SKI: variants seen among roughly 807,000 people sequenced by gnomAD.
SKI encodes the protein ski oncogene.
In SKI, 23 loss-of-function variants were observed where a neutral mutation model predicts 59.3. That is an observed-to-expected ratio of 0.39 (90% CI 0.28 to 0.55). The LOEUF (loss-of-function observed/expected upper bound fraction) is 0.55, where lower values mean the gene tolerates loss of function less well. SKI is among the 20% of genes least tolerant of loss of function. The probability of loss-of-function intolerance (pLI) is 0.67; values close to 1 mark genes in which losing one functional copy is unlikely to be tolerated. For synonymous variants in SKI, 673 were observed against 488.6 expected (o/e 1.38, Z -4.98); for missense variants, 1,017 against 1,038.9 (o/e 0.98, Z 0.29).
chr1:2,255,823 C>T (rs1263325849), intron 1 of SKI, among the ~76,000 whole-genome samples: 1 of 151,666 alleles, frequency 6.6e-6, no homozygotes, highest in Non-Finnish European at 1.5e-5. Context: ...CACCCTTTGT[C>T]CTGACCTCAT....
chr1:2,296,424 C>G (rs910451707), intron 1 of SKI, among the ~76,000 whole-genome samples: 2 of 152,016 alleles, frequency 1.3e-5, no homozygotes, highest in Non-Finnish European at 2.9e-5. Flanking sequence ...TTCTAGCCAT[C>G]GTTGTGGGCG....
In SKI at chr1:2,295,643, C is replaced by T. The variant is rs145259341; in HGVS notation, c.970-7335C>T. Among the ~76,000 whole-genome samples, 484 of 150,874 alleles carry T rather than the reference C, an allele frequency of 3.2e-3. 2 individuals are homozygous for T. Among genetic ancestry groups the T allele is most frequent in the Non-Finnish European group, 5.4e-3 (367 of 67,702 alleles). ...TGACTGTGTGTGTGTCTGGGCCACGCGTGGCTGTGTGTATGAGAGCCATGC... is the reference window on the plus strand; with the variant it reads ...TGACTGTGTGTGTGTCTGGGCCACGTGTGGCTGTGTGTATGAGAGCCATGC... On this transcript the variant is annotated intron_variant, in intron 1 of 6. Coordinates refer to ENST00000378536, the MANE Select transcript of SKI (RefSeq NM_003036.4).
Position 2,255,405 on chromosome 1 carries a change from A to G in SKI, c.969+25670A>G, listed in dbSNP as rs1237399820. Among the ~76,000 whole-genome samples the G allele has an allele frequency of 2.0e-5, 3 of 152,150 alleles. No homozygotes were observed. In the East Asian group the frequency reaches 5.8e-4, roughly 29 times the overall value. On this transcript the variant is annotated intron_variant, in intron 1 of 6. Transcript: ENST00000378536. ...GTGGTGTCTTCTGACCCCATTTCTT[A>G]TCTGGAACACTGTGTCCTGACTTCA...
intron 1 of SKI, among the ~76,000 whole-genome samples, chr1:2,302,061 G>A (rs1640438443): frequency 1.3e-5 from 2 of 152,260 alleles, no homozygotes; most frequent in Admixed American, 1.3e-4. Flanking sequence ...GCAGGGCTGT[G>A]GGAGTTCACG....
At chr1:2,304,237 G>C (rs1021389364) in intron 4 of SKI, 56 bp from the exon 5 acceptor site, 3 of 1,552,884 alleles carry the variant, frequency 1.9e-6, no homozygotes, top group Non-Finnish European at 2.6e-6. Flanking sequence ...CGTCTCCCTG[G>C]TGTGGAGCTG....
chr1:2,254,733 CGT>C (rs139901487), intron 1 of SKI, among the ~76,000 whole-genome samples: 3 of 150,530 alleles, frequency 2.0e-5, no homozygotes, highest in African/African-American at 2.4e-5. Context: ...TCACTGCGTG[CGT>C]GTGTGTGTGT....
intron 1 of SKI, among the ~76,000 whole-genome samples, chr1:2,291,816 C>T (rs541784727): frequency 4.6e-5 from 7 of 152,312 alleles, no homozygotes; most frequent in African/African-American, 1.4e-4. Flanking sequence ...TCATCAACAG[C>T]GCTAAAGTAA....
At chr1:2,239,758 C>T (rs2100806492) in intron 1 of SKI, among the ~76,000 whole-genome samples, 1 of 152,366 alleles carries the variant, frequency 6.6e-6, no homozygotes, top group Non-Finnish European at 1.5e-5. Context: ...CTTCTCAGAG[C>T]AGCTTTCACG....
chr1:2,252,049 T>G (rs1176308069), intron 1 of SKI, among the ~76,000 whole-genome samples: 1 of 152,142 alleles, frequency 6.6e-6, no homozygotes, highest in Non-Finnish European at 1.5e-5. Flanking sequence ...TCTGCACACC[T>G]GTGGGGAGGC....
rs145391236 is a variant in SKI, at chr1:2,259,820, T to A, written c.969+30085T>A. On this transcript the variant is annotated intron_variant, in intron 1 of 6. Coordinates refer to ENST00000378536, the MANE Select transcript of SKI (RefSeq NM_003036.4). ...ATGTTCTTCTTTTGGTCTGGCTTCC[T>A]TCCCTCAGCGTCATTATTTTGGGCT... Among the ~76,000 whole-genome samples the A allele has an allele frequency of 1.2e-3, 180 of 152,334 alleles. 1 individual carries two copies. Among genetic ancestry groups the A allele is most frequent in the South Asian group, 0.011 (53 of 4,824 alleles).
chr1:2,229,864 T>G lies in SKI; in HGVS notation c.969+129T>G. The G allele has an allele frequency of 6.7e-7, 1 of 1,490,530 alleles. No homozygotes were observed. 92.3% of individuals were successfully genotyped at this position (1,490,530 alleles called of 1,614,324 possible). On this transcript the variant is annotated intron_variant, in intron 1 of 6. Transcript: ENST00000378536. The surrounding 1 kb of genome is among the most constrained non-coding windows in gnomAD (Gnocchi z 6.3). ...CGTGCCCCATGTCTCCAGTCTTCGC[T>G]TTGTTTTAGGGAAATTCAGAGTGTT...
chr1:2,296,775 T>C (rs1452910112), intron 1 of SKI, among the ~76,000 whole-genome samples: 1 of 152,180 alleles, frequency 6.6e-6, no homozygotes, highest in African/African-American at 2.4e-5. Flanking sequence ...TTCCTTGTGC[T>C]TTGGTGTCAT....
Position 2,243,174 on chromosome 1 carries a change from AACTT to A in SKI, c.969+13445_969+13448del, listed in dbSNP as rs529205371. ...GTATCCGTTGGTATTGAGAGTCTGGAACTTACTTAGTGTCTGGGGCATGGGCCGT... is the reference window on the plus strand; with the variant it reads ...GTATCCGTTGGTATTGAGAGTCTGGAACTTAGTGTCTGGGGCATGGGCCGT... On this transcript the variant is annotated intron_variant, in intron 1 of 6. Coordinates refer to ENST00000378536, the MANE Select transcript of SKI (RefSeq NM_003036.4). Among the ~76,000 whole-genome samples, 17 of 152,280 alleles carry A rather than the reference AACTT, an allele frequency of 1.1e-4. No homozygotes were observed. In the South Asian group the frequency reaches 3.5e-3, roughly 32 times the overall value.
rs1447496362 is a variant in SKI, at chr1:2,267,853, T to G, written c.970-35125T>G. Among the ~76,000 whole-genome samples, 7 of 152,198 alleles carry G rather than the reference T, an allele frequency of 4.6e-5. No homozygotes were observed. The highest frequency in any genetic ancestry group is 1.0e-4 in the Non-Finnish European group (7 of 68,028). On this transcript the variant is annotated intron_variant, in intron 1 of 6. Coordinates refer to ENST00000378536, the MANE Select transcript of SKI (RefSeq NM_003036.4). The surrounding 1 kb of genome is among the most constrained non-coding windows in gnomAD (Gnocchi z 4.1). ...CCTTGCATGCCCTGCGAGATGTGTTTGAAAGTCACACTTTGGTTCCAGGTC... is the reference window on the plus strand; with the variant it reads ...CCTTGCATGCCCTGCGAGATGTGTTGGAAAGTCACACTTTGGTTCCAGGTC...
intron 1 of SKI, among the ~76,000 whole-genome samples, chr1:2,288,753 G>A (rs554637634): frequency 6.6e-6 from 1 of 152,330 alleles, no homozygotes; most frequent in African/African-American, 2.4e-5. Context: ...TGGCCTGCTG[G>A]CATTTTTGGG....
Position 2,236,404 on chromosome 1 carries a change from T to G in SKI, c.969+6669T>G, listed in dbSNP as rs548162634. 3.5e-4 allele frequency among the ~76,000 whole-genome samples: 53 copies of G among 152,238 alleles called. No homozygotes were observed. In the South Asian group the frequency reaches 6.8e-3, roughly 20 times the overall value. On this transcript the variant is annotated intron_variant, in intron 1 of 6. Transcript: ENST00000378536. ...AGGAGAATGCTGTTTCTTTTCTCAC[T>G]GTTTCACCATTTTTTTTTTTGAGAT...
At position 2,285,429 on chromosome 1, in the gene SKI, T is replaced by C. The variant is rs978087564; in HGVS notation, c.970-17549T>C. ...ACTAGGGAGGCTGAGGCAGGAGAAT[T>C]GCTTGAACCTGGGAGGCGGAGGTTG... On this transcript the variant is annotated intron_variant, in intron 1 of 6. Coordinates refer to ENST00000378536, the MANE Select transcript of SKI (RefSeq NM_003036.4). Among the ~76,000 whole-genome samples the C allele has an allele frequency of 1.6e-4, 24 of 151,692 alleles. 1 individual carries two copies. The highest frequency in any genetic ancestry group is 1.3e-4 in the Non-Finnish European group (9 of 67,846).
chr1:2,306,845 C>G lies in SKI; in HGVS notation c.*80C>G. The G allele has an allele frequency of 1.0e-6, 1 of 997,058 alleles. No homozygotes were observed. The highest frequency in any genetic ancestry group is 1.3e-6 in the Non-Finnish European group (1 of 759,108). The allele number at this position is 997,058 out of a possible 1,614,324, so 61.8% of individuals were successfully genotyped here. A position where few individuals can be genotyped will look rare whatever the true frequency, so the allele number is the denominator to read the frequency against. ...CTGGGCGGTGCAGCTCCGCCCGGCT[C>G]CGCCCCTGCAGCCCACACAGCACAA... On this transcript the variant is annotated 3_prime_UTR_variant, in exon 7 of 7. Coordinates refer to ENST00000378536, the MANE Select transcript of SKI (RefSeq NM_003036.4).
rs1034542455 is a variant in SKI, at chr1:2,306,690, G to A, written c.2112G>A (p.Glu704=). The A allele has an allele frequency of 9.1e-6, 14 of 1,544,026 alleles. No homozygotes were observed. In the Admixed American group the frequency reaches 2.0e-4, roughly 22 times the overall value. Residue 704 remains glutamate, a synonymous_variant, in exon 7 of 7, where the codon GAG becomes GAA. Coordinates refer to ENST00000378536, the MANE Select transcript of SKI (RefSeq NM_003036.4). The part of the protein sequence containing the change: ...AREHLEKVVK[E]LQEQLWPRAR... ...AGCACCTGGAGAAGGTGGTGAAGGA[G>A]CTGCAGGAACAGCTGTGGCCGCGGG... is the stretch of plus-strand genomic sequence containing the variant.
Sources: gnomAD v4.1 joint callset for allele counts (sites outside exome capture counted in the v4.1 genomes callset) on GRCh38, gnomAD v4.1.1 for gene constraint, Gnocchi (gnomAD v3.1) non-coding constraint, MANE v1.5 for transcripts, NCBI Gene and HGNC (gene_info 2026-07-23, HGNC 2026-07-21) for gene names.